KIFAP3: variants seen among roughly 807,000 people sequenced by gnomAD.
KIFAP3 encodes the protein kinesin associated protein 3, also known as kinesin-associated protein 3.
A neutral mutation model predicts 106.5 loss-of-function variants in KIFAP3; 68 were observed. The ratio of observed to expected loss-of-function variants is 0.64; its 90% CI spans 0.53 to 0.78. KIFAP3 has a LOEUF of 0.78. Ranked by LOEUF, KIFAP3 falls within the 30% of genes least tolerant of loss-of-function variation. The probability of loss-of-function intolerance (pLI) is 0.00; values close to 1 mark genes in which losing one functional copy is unlikely to be tolerated. For missense variants in KIFAP3, 780 were observed against 941.8 expected (o/e 0.83, Z 2.25); for synonymous variants, 320 against 311.5 (o/e 1.03, Z -0.29).
chr1:169,959,328 T>A (rs1665194903), intron 18 of KIFAP3, among the ~76,000 whole-genome samples: 1 of 152,160 alleles, frequency 6.6e-6, no homozygotes, highest in Middle Eastern at 3.2e-3. Flanking sequence ...GAAAATGATG[T>A]AGGTAAAATA....
upstream of KIFAP3, among the ~76,000 whole-genome samples, chr1:170,077,093 C>T (rs1219530460): frequency 6.6e-6 from 1 of 152,120 alleles, no homozygotes; most frequent in Non-Finnish European, 1.5e-5. Flanking sequence ...TGCTCTGTGT[C>T]TAGCTAAAGG....
At chr1:169,972,254 A>T (rs1414211923) in intron 17 of KIFAP3, among the ~76,000 whole-genome samples, 1 of 152,012 alleles carries the variant, frequency 6.6e-6, no homozygotes, top group Non-Finnish European at 1.5e-5. Flanking sequence ...TATCCGAAAA[A>T]CAAGTGACTC....
At chr1:169,995,425 G>T (rs948315592) in intron 10 of KIFAP3, among the ~76,000 whole-genome samples, 17 of 151,906 alleles carry the variant, frequency 1.1e-4, no homozygotes, top group Admixed American at 1.0e-3. Context: ...TGTGATTCTA[G>T]TTATTTTCTA....
chr1:169,981,453 A>G (rs76551509), intron 15 of KIFAP3, among the ~76,000 whole-genome samples: 2,794 of 152,250 alleles, frequency 0.018, 72 homozygotes, highest in African/African-American at 0.063. Context: ...AGTAACCCTT[A>G]TTTCATTTAA....
At position 169,998,459 on chromosome 1, in the gene KIFAP3, T is replaced by C. The variant is rs553968030; in HGVS notation, c.1184-6204A>G. On this transcript the variant is annotated intron_variant, in intron 10 of 19. Coordinates refer to ENST00000361580, the MANE Select transcript of KIFAP3 (RefSeq NM_014970.4). ...ACACCACACACACTTTTTTTTTTTC[T>C]TGAGGAAACAGTGTGAAAGGAGGTG... is the stretch of plus-strand genomic sequence containing the variant. Among the ~76,000 whole-genome samples, 254 of 151,304 alleles carry C rather than the reference T, an allele frequency of 1.7e-3. 1 individual carries two copies. The highest frequency in any genetic ancestry group is 6.0e-3 in the African/African-American group (247 of 41,272).
intron 1 of KIFAP3, among the ~76,000 whole-genome samples, chr1:170,072,760 C>G (rs1352624005): frequency 6.6e-6 from 1 of 152,274 alleles, no homozygotes; most frequent in South Asian, 2.1e-4. Flanking sequence ...TTCTATCAGA[C>G]ATCACAAATG....
At position 169,972,566 on chromosome 1, in the gene KIFAP3, C is replaced by A; in HGVS notation, c.1930G>T (p.Asp644Tyr). 6.4e-7 allele frequency: 1 copy of A among 1,572,052 alleles called. No individual in the cohort carries two copies. The highest frequency in any genetic ancestry group is 1.1e-5 in the South Asian group (1 of 89,164). ...ACCTTTCGGATTTCATTATTCTTAT[C>A]ATGCATTAGGTCTATGAGATATGCT... is the stretch of plus-strand genomic sequence containing the variant. ...APAYLIDLMHDKNNEIRKVCD... is the reference protein window; with the variant it reads ...APAYLIDLMHYKNNEIRKVCD... Residue 644 changes from aspartate (D) to tyrosine (Y), a missense_variant, in exon 17 of 20, where the codon GAT (aspartate) becomes TAT (tyrosine). This residue lies in a region of KIFAP3 where 78 missense variants were observed against 140.6 expected (regional missense o/e 0.55). Coordinates refer to ENST00000361580, the MANE Select transcript of KIFAP3 (RefSeq NM_014970.4).
Position 170,055,894 on chromosome 1 carries a change from G to A in KIFAP3, c.33-458C>T, listed in dbSNP as rs1670827133. On this transcript the variant is annotated intron_variant, in intron 1 of 19. Transcript: ENST00000361580. ...CACCTGTAATCCCAGTGACTTGGGA[G>A]ACCAACATGGGAGAAACACTTTAGG... Among the ~76,000 whole-genome samples the A allele has an allele frequency of 2.6e-5, 4 of 152,230 alleles. No individual in the cohort carries two copies. In the South Asian group the frequency reaches 6.2e-4, roughly 24 times the overall value.
chr1:169,934,773 TATATCTATATTTGTTATTTCAAG>T (rs771694273), intron 19 of KIFAP3, among the ~76,000 whole-genome samples: 91 of 152,212 alleles, frequency 6.0e-4, no homozygotes, highest in Admixed American at 7.9e-4. Context: ...AACATATAGG[TATATCTATATTTGTTATTTCAAG>T]TATGCAGGAA....
At chr1:170,075,049 A>G (rs371901030), upstream of KIFAP3, among the ~76,000 whole-genome samples, 165 of 152,306 alleles carry the variant, frequency 1.1e-3, no homozygotes, top group African/African-American at 3.7e-3. Context: ...GTTGTACAAA[A>G]TGGATATAAC....
chr1:170,040,810 A>G (rs1669935297), intron 3 of KIFAP3, among the ~76,000 whole-genome samples: 1 of 133,474 alleles, frequency 7.5e-6, no homozygotes, highest in South Asian at 2.4e-4. Flanking sequence ...AGAAGCAATC[A>G]TGTTCAAAAT....
intron 19 of KIFAP3, among the ~76,000 whole-genome samples, chr1:169,931,064 C>A (rs1663443397): frequency 6.6e-6 from 1 of 151,804 alleles, no homozygotes; most frequent in Non-Finnish European, 1.5e-5. Context: ...GGATTACAGG[C>A]CCGTGCCACA....
At chr1:169,972,145 C>A (rs1249311437) in intron 17 of KIFAP3, among the ~76,000 whole-genome samples, 2 of 151,696 alleles carry the variant, frequency 1.3e-5, no homozygotes, top group African/African-American at 4.8e-5. Context: ...ATAGCTGATA[C>A]AAGATTTGAT....
In KIFAP3 at chr1:169,954,008, T is replaced by A. The variant is rs373023426; in HGVS notation, c.2273+3A>T. The A allele has an allele frequency of 8.7e-6, 14 of 1,605,382 alleles. No homozygotes were observed. The highest frequency in any genetic ancestry group is 1.2e-5 in the Non-Finnish European group (14 of 1,172,188). On this transcript the variant is annotated splice_donor_region_variant and intron_variant, in intron 19 of 19. Coordinates refer to ENST00000361580, the MANE Select transcript of KIFAP3 (RefSeq NM_014970.4). ...ATTAGATTTTTCTTGGAAAACTGTT[T>A]ACCTGCCAGGAAATGAATGCTGCCC...
At chr1:170,058,346 A>G (rs975664003) in intron 1 of KIFAP3, among the ~76,000 whole-genome samples, 1 of 152,208 alleles carries the variant, frequency 6.6e-6, no homozygotes, top group South Asian at 2.1e-4. Context: ...CATAGAGCAA[A>G]TAACAGAGCC....
intron 19 of KIFAP3, among the ~76,000 whole-genome samples, chr1:169,952,472 T>C (rs1664776780): frequency 6.6e-6 from 1 of 152,068 alleles, no homozygotes; most frequent in Admixed American, 6.5e-5. Context: ...TATATATGTA[T>C]AGGTAGATAC....
chr1:170,031,611 G>T (rs1245808899), intron 8 of KIFAP3, among the ~76,000 whole-genome samples: 1 of 151,816 alleles, frequency 6.6e-6, no homozygotes, highest in African/African-American at 2.4e-5. Flanking sequence ...GACAAAGATT[G>T]ATATTATTGA....
intron 5 of KIFAP3, among the ~76,000 whole-genome samples, chr1:170,036,583 A>G (rs960812768): frequency 6.6e-6 from 1 of 152,166 alleles, no homozygotes; most frequent in African/African-American, 2.4e-5. Flanking sequence ...TATTAACAGC[A>G]AAGCCTCCAA....
At chr1:170,017,357 G>C (rs1269908409) in intron 9 of KIFAP3, among the ~76,000 whole-genome samples, 10 of 150,730 alleles carry the variant, frequency 6.6e-5, no homozygotes, top group African/African-American at 2.4e-4. Flanking sequence ...ACAGCATTGA[G>C]AGAACTACTA....
Sources: allele counts gnomAD v4.1 joint callset (sites outside exome capture counted in the v4.1 genomes callset), GRCh38; gene constraint gnomAD v4.1.1; regional missense constraint gnomAD v4.1.1; transcripts MANE v1.5; gene names NCBI Gene and HGNC (gene_info 2026-07-23, HGNC 2026-07-21).